SLC26A8: variants seen among roughly 807,000 people sequenced by gnomAD.
The protein encoded by SLC26A8 is solute carrier family 26 member 8.
SLC26A8 carries 70 observed loss-of-function variants against 105.0 expected under a neutral mutation model. The observed-to-expected ratio is 0.67, with a 90% CI of 0.55 to 0.81. The LOEUF is 0.81. Ranked by LOEUF, SLC26A8 falls within the 40% of genes least tolerant of loss-of-function variation. The pLI is 0.00. For missense variants in SLC26A8, 998 were observed against 1,181.8 expected (o/e 0.84, Z 2.28); for synonymous variants, 415 against 438.3 (o/e 0.95, Z 0.66).
intron 11 of SLC26A8, among the ~76,000 whole-genome samples, chr6:35,967,185 A>T (rs766498967): frequency 2.0e-5 from 3 of 152,168 alleles, no homozygotes; most frequent in Non-Finnish European, 2.9e-5. Flanking sequence ...TCCTTGAATC[A>T]TATGAGCAGA....
At chr6:36,021,476 C>A (rs1762125216) in intron 1 of SLC26A8, among the ~76,000 whole-genome samples, 1 of 152,114 alleles carries the variant, frequency 6.6e-6, no homozygotes. Context: ...AAACTGATAT[C>A]CTGGGTCACA....
chr6:36,022,987 TG>T (rs1762162822), intron 1 of SLC26A8, among the ~76,000 whole-genome samples: 1 of 143,498 alleles, frequency 7.0e-6, no homozygotes, highest in Non-Finnish European at 1.6e-5. Context: ...CAGTAGGTCT[TG>T]CTAGGTAGAA....
In SLC26A8 at chr6:35,954,211, A is replaced by C. The variant is rs73405806; in HGVS notation, c.2232+941T>G. On this transcript the variant is annotated intron_variant, in intron 17 of 19. Transcript: ENST00000490799. ...GAAGACAAAAGAGAACTGTTAGAGA[A>C]ACCCAAGAGTAGAAAAGAAGTCAGG... Among the ~76,000 whole-genome samples, 1,393 of 152,300 alleles carry C rather than the reference A, an allele frequency of 9.1e-3. 16 individuals are homozygous for C. The highest frequency in any genetic ancestry group is 0.032 in the African/African-American group (1,313 of 41,560).
At chr6:35,988,867 A>C (rs1335058956) in intron 7 of SLC26A8, among the ~76,000 whole-genome samples, 1 of 142,832 alleles carries the variant, frequency 7.0e-6, no homozygotes, top group African/African-American at 2.6e-5. Context: ...TTGAGACGGA[A>C]TCTCGCTCTG....
intron 4 of SLC26A8, 90 bp from the exon 5 acceptor site, chr6:35,998,009 G>T: frequency 8.3e-7 from 1 of 1,207,864 alleles, no homozygotes; most frequent in Non-Finnish European, 1.2e-6. Flanking sequence ...ATTCTGGATT[G>T]TCCTTCAACT....
intron 8 of SLC26A8, among the ~76,000 whole-genome samples, chr6:35,978,947 C>T (rs1773157046): frequency 6.7e-6 from 1 of 149,738 alleles, no homozygotes; most frequent in Admixed American, 6.7e-5. Context: ...CTCAATAAAT[C>T]CTCCCACCTC....
chr6:36,020,301 A>G (rs772071269), intron 1 of SLC26A8, among the ~76,000 whole-genome samples: 2 of 152,216 alleles, frequency 1.3e-5, no homozygotes, highest in African/African-American at 4.8e-5. Flanking sequence ...CCCAGGACCC[A>G]AAAGAATGGC....
intron 17 of SLC26A8, among the ~76,000 whole-genome samples, chr6:35,951,885 A>G (rs1771886334): frequency 1.3e-5 from 2 of 152,194 alleles, no homozygotes; most frequent in South Asian, 4.2e-4. Context: ...CAATTAGCCG[A>G]GTTTTAAAAC....
chr6:35,962,387 A>T, intron 12 of SLC26A8, 139 bp downstream of exon 12: 2 of 681,072 alleles, frequency 2.9e-6, no homozygotes, highest in Non-Finnish European at 5.0e-6. Context: ...TCTCCTTTTT[A>T]AAGCAAAACT....
At chr6:35,998,555 CA>C (rs56714506) in intron 4 of SLC26A8, among the ~76,000 whole-genome samples, 47,306 of 118,736 alleles carry the variant, frequency 0.4, 7,669 homozygotes, top group Middle Eastern at 0.49. Context: ...AACTCCATCT[CA>C]AAAAAAAAAA....
intron 2 of SLC26A8, 44 bp downstream of exon 2, chr6:36,019,476 G>T: frequency 1.9e-6 from 3 of 1,586,812 alleles, no homozygotes; most frequent in Non-Finnish European, 2.6e-6. Context: ...TTAGGTTTCA[G>T]TCCTGCCCGG....
At position 36,010,887 on chromosome 6, in the gene SLC26A8, G is replaced by A. The variant is rs143776028; in HGVS notation, c.328+1346C>T. Among the ~76,000 whole-genome samples the A allele has an allele frequency of 2.1e-3, 325 of 152,186 alleles. 1 individual carries two copies. The highest frequency in any genetic ancestry group is 7.5e-3 in the African/African-American group (310 of 41,532). On this transcript the variant is annotated intron_variant, in intron 3 of 19. Transcript: ENST00000490799. ...TATACACCAAAAGGGGAAAAAAAGC[G>A]CCAATTTTACTATTTGATAATTTAG...
At chr6:35,956,506 G>A (rs1772067398) in intron 16 of SLC26A8, among the ~76,000 whole-genome samples, 1 of 151,770 alleles carries the variant, frequency 6.6e-6, no homozygotes, top group Non-Finnish European at 1.5e-5. Flanking sequence ...GGCCCAGACT[G>A]CCTGCTATAG....
In SLC26A8 at chr6:35,943,793, A is replaced by C; in HGVS notation, c.*107T>G. ...CAGGTAGTAGGAGTCACAGTCAGGAAGGAAGTACTGCTAGTTCGTATCCAG... is the reference window on the plus strand; with the variant it reads ...CAGGTAGTAGGAGTCACAGTCAGGACGGAAGTACTGCTAGTTCGTATCCAG... On this transcript the variant is annotated 3_prime_UTR_variant, in exon 20 of 20. Transcript: ENST00000490799. 1 of 1,480,320 alleles carries C rather than the reference A, an allele frequency of 6.8e-7. No homozygotes were observed. The highest frequency in any genetic ancestry group is 9.0e-7 in the Non-Finnish European group (1 of 1,105,054). 91.7% of individuals were successfully genotyped at this position (1,480,320 alleles called of 1,614,324 possible). A position where few individuals can be genotyped will look rare whatever the true frequency, so the allele number is the denominator to read the frequency against.
At chr6:36,003,470 C>T (rs1177229390) in intron 3 of SLC26A8, among the ~76,000 whole-genome samples, 1 of 152,020 alleles carries the variant, frequency 6.6e-6, no homozygotes, top group Non-Finnish European at 1.5e-5. Flanking sequence ...TAGTAATCTC[C>T]ATTTTTATTG....
intron 8 of SLC26A8, among the ~76,000 whole-genome samples, chr6:35,979,880 C>T (rs915478098): frequency 6.6e-6 from 1 of 152,286 alleles, no homozygotes; most frequent in East Asian, 1.9e-4. Context: ...CTCAAAGCAA[C>T]GCTTAAAATT....
intron 11 of SLC26A8, among the ~76,000 whole-genome samples, chr6:35,968,611 ATATATATATATATATATATATATATATAT>A (rs1772637367): frequency 2.7e-4 from 12 of 44,140 alleles, no homozygotes; most frequent in Non-Finnish European, 4.1e-4. Flanking sequence ...GTGTGTGTGT[ATATATATATATATATATATATATATATAT>A]ATATATATAT....
chr6:35,984,319 A>ATTTTTTTTTT (rs59314649), intron 7 of SLC26A8, among the ~76,000 whole-genome samples: 2 of 116,542 alleles, frequency 1.7e-5, no homozygotes, highest in Non-Finnish European at 3.5e-5. Flanking sequence ...TCTTCTTCTT[A>ATTTTTTTTTT]TTTTTTTTTT....
intron 2 of SLC26A8, among the ~76,000 whole-genome samples, chr6:36,019,205 C>T (rs1581703268): frequency 6.6e-6 from 1 of 152,200 alleles, no homozygotes; most frequent in East Asian, 1.9e-4. Context: ...GGATTACGGG[C>T]GTGAGCCATT....
Sources: gnomAD v4.1 joint callset for allele counts (sites outside exome capture counted in the v4.1 genomes callset) on GRCh38, gnomAD v4.1.1 for gene constraint, MANE v1.5 for transcripts, NCBI Gene and HGNC (gene_info 2026-07-23, HGNC 2026-07-21) for gene names.